The following NEUROD4 variants were observed in gnomAD, a reference collection of about 807,000 sequenced individuals.
The protein encoded by NEUROD4 is neuronal differentiation 4.
A neutral mutation model predicts 19.8 loss-of-function variants in NEUROD4; 16 were observed. The observed-to-expected ratio is 0.81, with a 90% CI of 0.55 to 1.23. The LOEUF is 1.23. Ranked by LOEUF, NEUROD4 falls within the 50% of genes most tolerant of loss-of-function variation. NEUROD4 has a pLI of 0.00. For missense variants in NEUROD4, 439 were observed against 398.6 expected (o/e 1.10, Z -0.86); for synonymous variants, 153 against 147.9 (o/e 1.03, Z -0.25).
intron 1 of NEUROD4, among the ~76,000 whole-genome samples, chr12:55,025,709 G>A (rs1463361214): frequency 2.0e-5 from 3 of 152,200 alleles, no homozygotes; most frequent in African/African-American, 7.2e-5. Context: ...ATGGTCACGT[G>A]TTGGACCAGC....
Position 55,026,944 on chromosome 12 carries a change from C to G in NEUROD4, c.505C>G (p.Leu169Val), listed in dbSNP as rs1952740411. The G allele has an allele frequency of 1.2e-6, 2 of 1,614,032 alleles. No homozygotes were observed. The highest frequency in any genetic ancestry group is 2.7e-5 in the African/African-American group (2 of 74,926). The change falls in exon 2 of 2, where the codon CTG becomes GTG. Residue 169 changes from leucine to valine, a missense_variant. Transcript: ENST00000242994. ...AGGGCTCTCTCAGCCCACAAGCAAC[C>G]TGGTGGCTGGATGTCTCCAACTGGG... ...CKGLSQPTSNLVAGCLQLGPQ... is the reference protein window; with the variant it reads ...CKGLSQPTSNVVAGCLQLGPQ...
At position 55,027,206 on chromosome 12, in the gene NEUROD4, C is replaced by A. The variant is rs1952744310; in HGVS notation, c.767C>A (p.Pro256His). The stretch of plus-strand genomic sequence containing the variant: ...CCTTATGAGGGCCCACTCACTCCAC[C>A]CCTGAGCATCAGTGGGAACTTCTCC... ...TPPYEGPLTP[P>H]LSISGNFSLK... Residue 256 changes from proline to histidine, a missense_variant, in exon 2 of 2, where the codon CCC becomes CAC. Physicochemically the swap from Pro to His is moderately conservative, Grantham distance 77. Coordinates refer to ENST00000242994, the MANE Select transcript of NEUROD4 (RefSeq NM_021191.3). 6.2e-7 allele frequency: 1 copy of A among 1,614,008 alleles called. No individual in the cohort carries two copies. The highest frequency in any genetic ancestry group is 1.7e-5 in the Admixed American group (1 of 59,996).
In NEUROD4 at chr12:55,026,669, T is replaced by C. The variant is rs776693659; in HGVS notation, c.230T>C (p.Met77Thr). 3.7e-6 allele frequency: 6 copies of C among 1,614,074 alleles called. No individual in the cohort carries two copies. Among genetic ancestry groups the C allele is most frequent in the Non-Finnish European group, 5.1e-6 (6 of 1,180,010 alleles). ...PKRRGPKKKKMTKARLERFRA... is the reference protein window; with the variant it reads ...PKRRGPKKKKTTKARLERFRA... ...AGAAGGGGTCCCAAGAAAAAGAAGA[T>C]GACCAAAGCTCGCCTTGAGAGATTC... Residue 77 changes from methionine (M) to threonine (T), a missense_variant, in exon 2 of 2, where the codon ATG becomes ACG. Transcript: ENST00000242994.
chr12:55,022,531 C>T (rs1239220555), intron 1 of NEUROD4, among the ~76,000 whole-genome samples: 1 of 152,140 alleles, frequency 6.6e-6, no homozygotes, highest in African/African-American at 2.4e-5. Context: ...CTCTGATAGA[C>T]ACTGCATATT....
At position 55,029,054 on chromosome 12, in the gene NEUROD4, AT is replaced by A. The variant is rs1952766087; in HGVS notation, c.*1622del. On this transcript the variant is annotated 3_prime_UTR_variant, in exon 2 of 2. Coordinates refer to ENST00000242994, the MANE Select transcript of NEUROD4 (RefSeq NM_021191.3). Reference sequence around the variant, plus strand: ...CATGCAGGGTACATCAATAGGGCCAATTTAAAAAATGATAACACATATTAGT... The same window carrying A: ...CATGCAGGGTACATCAATAGGGCCAATTAAAAAATGATAACACATATTAGT... 6.0e-6 allele frequency: 1 copy of A among 167,196 alleles called. No homozygotes were observed. The highest frequency in any genetic ancestry group is 1.5e-5 in the Non-Finnish European group (1 of 68,110). 10.4% of individuals were successfully genotyped at this position (167,196 alleles called of 1,614,324 possible). A position where few individuals can be genotyped will look rare whatever the true frequency, so the allele number is the denominator to read the frequency against.
At chr12:55,023,427 T>A (rs1173967175) in intron 1 of NEUROD4, among the ~76,000 whole-genome samples, 1 of 152,208 alleles carries the variant, frequency 6.6e-6, no homozygotes, top group Non-Finnish European at 1.5e-5. Flanking sequence ...AGATGTTTTA[T>A]AGCATTTACA....
rs1386801 is a variant in NEUROD4 at position 55,020,746 on chromosome 12, G to C, written c.-10+433G>C. On this transcript the variant is annotated intron_variant, in intron 1 of 1. Transcript: ENST00000242994. ...ATTTTAGGGCTATGCAAGGACGGAG[G>C]GGGAGGCAGGGAAAGGAAAACAGAA... 1.2e-4 allele frequency among the ~76,000 whole-genome samples: 18 copies of C among 152,282 alleles called. No individual in the cohort carries two copies. In the East Asian group the frequency reaches 2.9e-3, roughly 25 times the overall value.
chr12:55,027,611 T>C lies in NEUROD4; in HGVS notation c.*176T>C. On this transcript the variant is annotated 3_prime_UTR_variant, in exon 2 of 2. Coordinates refer to ENST00000242994, the MANE Select transcript of NEUROD4 (RefSeq NM_021191.3). ...CTCTTTTCTCATCACCTTCTCACAT[T>C]GCATTGATTTCTTTATAGAGTCCTC... 1.6e-6 allele frequency: 1 copy of C among 614,900 alleles called. No individual in the cohort carries two copies. Among genetic ancestry groups the C allele is most frequent in the East Asian group, 2.8e-5 (1 of 36,054 alleles). The allele number at this position is 614,900 out of a possible 1,614,324, so 38.1% of individuals were successfully genotyped here. A position where few individuals can be genotyped will look rare whatever the true frequency, so the allele number is the denominator to read the frequency against.
chr12:55,022,713 G>T (rs1324751347), intron 1 of NEUROD4, among the ~76,000 whole-genome samples: 1 of 152,088 alleles, frequency 6.6e-6, no homozygotes, highest in Non-Finnish European at 1.5e-5. Context: ...GAATATGATG[G>T]AAGAGTTCTA....
In NEUROD4 at chr12:55,026,829, A is replaced by T. The variant is rs1450315862; in HGVS notation, c.390A>T (p.Arg130Ser). 2.5e-6 allele frequency: 4 copies of T among 1,614,096 alleles called. No individual in the cohort carries two copies. The South Asian group carries it at 4.4e-5, about 18-fold the overall frequency. Residue 130 changes from arginine to serine, a missense_variant, in exon 2 of 2, where the codon AGA (arginine) becomes AGT (serine). By Grantham distance (110) the Arg-to-Ser change is moderately radical. Transcript: ENST00000242994. ...TQKLSKIETLRLARNYIWALS... is the reference protein window; with the variant it reads ...TQKLSKIETLSLARNYIWALS... ...AACTTTCCAAGATAGAGACTCTTAGACTGGCCAGGAACTATATTTGGGCTT... is the reference window on the plus strand; with the variant it reads ...AACTTTCCAAGATAGAGACTCTTAGTCTGGCCAGGAACTATATTTGGGCTT...
At position 55,029,524 on chromosome 12, in the gene NEUROD4, C is replaced by T. The variant is rs955830404; in HGVS notation, c.*2089C>T. Reference sequence around the variant, plus strand: ...TTAATTTATTTCTCTCTTCCTTTCACGAAAATTCCTTTAGCCCCATAGATG... The same window carrying T: ...TTAATTTATTTCTCTCTTCCTTTCATGAAAATTCCTTTAGCCCCATAGATG... On this transcript the variant is annotated 3_prime_UTR_variant, in exon 2 of 2. Coordinates refer to ENST00000242994, the MANE Select transcript of NEUROD4 (RefSeq NM_021191.3). 4.8e-5 allele frequency: 8 copies of T among 166,904 alleles called. No homozygotes were observed. The highest frequency in any genetic ancestry group is 1.4e-4 in the African/African-American group (6 of 41,390). The allele number at this position is 166,904 out of a possible 1,614,324, so 10.3% of individuals were successfully genotyped here. A position where few individuals can be genotyped will look rare whatever the true frequency, so the allele number is the denominator to read the frequency against.
At position 55,029,267 on chromosome 12, in the gene NEUROD4, A is replaced by G. The variant is rs1366318707; in HGVS notation, c.*1832A>G. ...AATTCACTTGAAAGTAGCCTTGCAG[A>G]GAGATCTTAAGCCCCATCAGTCACC... On this transcript the variant is annotated 3_prime_UTR_variant, in exon 2 of 2. Transcript: ENST00000242994. 1 of 166,802 alleles carries G rather than the reference A, an allele frequency of 6.0e-6. No individual in the cohort carries two copies. Among genetic ancestry groups the G allele is most frequent in the Non-Finnish European group, 1.5e-5 (1 of 68,088 alleles). The allele number at this position is 166,802 out of a possible 1,614,324, so 10.3% of individuals were successfully genotyped here.
In NEUROD4 at chr12:55,027,118, C is replaced by G. The variant is rs1565597313; in HGVS notation, c.679C>G (p.Gln227Glu). The G allele has an allele frequency of 6.2e-7, 1 of 1,614,192 alleles. No individual in the cohort carries two copies. Residue 227 changes from glutamine (Q) to glutamate (E), a missense_variant, in exon 2 of 2, where the codon CAA becomes GAA. Gln to Glu is a conservative substitution (Grantham distance 29, BLOSUM62 2). Transcript: ENST00000242994. Reference sequence around the variant, plus strand: ...AACACATCTCCTTCATCTCAAGCCCCAAGTATTCAAGAGTTTGGGAGAATC... The same window carrying G: ...AACACATCTCCTTCATCTCAAGCCCGAAGTATTCAAGAGTTTGGGAGAATC... ...METHLLHLKP[Q>E]VFKSLGESSF...
Position 55,026,955 on chromosome 12 carries a change from A to G in NEUROD4, c.516A>G (p.Gly172=), listed in dbSNP as rs540710928. ...AGCCCACAAGCAACCTGGTGGCTGGATGTCTCCAACTGGGCCCTCAGTCTG... is the reference window on the plus strand; with the variant it reads ...AGCCCACAAGCAACCTGGTGGCTGGGTGTCTCCAACTGGGCCCTCAGTCTG... ...LSQPTSNLVA[G]CLQLGPQSVL... Residue 172 remains glycine (G), a synonymous_variant, in exon 2 of 2, where the codon GGA becomes GGG. Transcript: ENST00000242994. 12 of 1,614,156 alleles carry G rather than the reference A, an allele frequency of 7.4e-6. No individual in the cohort carries two copies. In the African/African-American group the frequency reaches 1.3e-4, roughly 18 times the overall value.
At chr12:55,026,020 T>G (rs762415818) in intron 1 of NEUROD4, among the ~76,000 whole-genome samples, 2 of 152,212 alleles carry the variant, frequency 1.3e-5, no homozygotes, top group East Asian at 1.9e-4. Context: ...ATTACACACA[T>G]AGACTTATTT....
chr12:55,027,533 G>T lies in NEUROD4; in HGVS notation c.*98G>T. 1 of 1,146,634 alleles carries T rather than the reference G, an allele frequency of 8.7e-7. No individual in the cohort carries two copies. The highest frequency in any genetic ancestry group is 1.3e-6 in the Non-Finnish European group (1 of 799,196). 71.0% of individuals were successfully genotyped at this position (1,146,634 alleles called of 1,614,324 possible). Reference sequence around the variant, plus strand: ...TCAATGACCTTAAAGGATCCCTATGGATATATATCAAACAATAGTTCAAGT... The same window carrying T: ...TCAATGACCTTAAAGGATCCCTATGTATATATATCAAACAATAGTTCAAGT... On this transcript the variant is annotated 3_prime_UTR_variant, in exon 2 of 2. Coordinates refer to ENST00000242994, the MANE Select transcript of NEUROD4 (RefSeq NM_021191.3).
At chr12:55,025,827 C>T (rs960394628) in intron 1 of NEUROD4, among the ~76,000 whole-genome samples, 1 of 152,122 alleles carries the variant, frequency 6.6e-6, no homozygotes, top group African/African-American at 2.4e-5. Flanking sequence ...TGAGAAACAT[C>T]GGGTATTATA....
chr12:55,028,252 T>G lies in NEUROD4; in HGVS notation c.*817T>G, dbSNP rs1205364247. On this transcript the variant is annotated 3_prime_UTR_variant, in exon 2 of 2. Coordinates refer to ENST00000242994, the MANE Select transcript of NEUROD4 (RefSeq NM_021191.3). Reference sequence around the variant, plus strand: ...ATTTCAAAACCATTTTTCTCAGTACTAGAGGTAGGGCAAACAAGTCACTGA... The same window carrying G: ...ATTTCAAAACCATTTTTCTCAGTACGAGAGGTAGGGCAAACAAGTCACTGA... The G allele has an allele frequency of 2.4e-5, 4 of 166,682 alleles. No homozygotes were observed. The Admixed American group carries it at 2.6e-4, about 11-fold the overall frequency. The allele number at this position is 166,682 out of a possible 1,614,324, so 10.3% of individuals were successfully genotyped here. A position where few individuals can be genotyped will look rare whatever the true frequency, so the allele number is the denominator to read the frequency against.
intron 1 of NEUROD4, among the ~76,000 whole-genome samples, chr12:55,023,668 C>T (rs73108851): frequency 0.18 from 26,656 of 152,022 alleles, 3,036 homozygotes; most frequent in East Asian, 0.41. Context: ...GTTAATGGAC[C>T]GGCACCTGTG....
Sources: gnomAD v4.1 joint callset for allele counts (sites outside exome capture counted in the v4.1 genomes callset) on GRCh38, gnomAD v4.1.1 for gene constraint, MANE v1.5 for transcripts, NCBI Gene and HGNC (gene_info 2026-07-23, HGNC 2026-07-21) for gene names.